SINHCAF: variants seen among roughly 807,000 people sequenced by gnomAD.
SINHCAF encodes SIN3-HDAC complex-associated factor.
SINHCAF carries 3 observed loss-of-function variants against 25.8 expected under a neutral mutation model. The ratio of observed to expected loss-of-function variants is 0.12; its 90% CI spans 0.05 to 0.30. SINHCAF has a LOEUF of 0.30. Among genes scored for constraint, SINHCAF ranks in the 10% least tolerant of loss-of-function variants. SINHCAF has a pLI of 1.00. For missense variants in SINHCAF, 121 were observed against 262.3 expected (o/e 0.46, Z 3.72); for synonymous variants, 70 against 85.5 (o/e 0.82, Z 1.00).
chr12:31,323,411 T>G (rs529096403), intron 1 of SINHCAF, among the ~76,000 whole-genome samples: 4 of 152,298 alleles, frequency 2.6e-5, no homozygotes, highest in African/African-American at 9.6e-5. Flanking sequence ...AATTCATTTT[T>G]AAATTATTAA....
intron 1 of SINHCAF, among the ~76,000 whole-genome samples, chr12:31,313,999 G>A (rs1438879622): frequency 1.3e-5 from 2 of 151,406 alleles, no homozygotes; most frequent in Admixed American, 6.6e-5. Context: ...AGAGAATTAG[G>A]AATCCCCCAC....
chr12:31,296,635 G>A (rs987365697), intron 2 of SINHCAF, among the ~76,000 whole-genome samples: 3 of 151,988 alleles, frequency 2.0e-5, no homozygotes, highest in African/African-American at 7.3e-5. Flanking sequence ...TTAGGAGGCT[G>A]AGGCAGCCGG....
intron 1 of SINHCAF, among the ~76,000 whole-genome samples, chr12:31,316,394 T>C (rs943896122): frequency 3.3e-5 from 5 of 152,224 alleles, no homozygotes; most frequent in Non-Finnish European, 7.3e-5. Context: ...GGTTTTCTTC[T>C]ACTTTAAAGC....
In SINHCAF at chr12:31,291,965, T is replaced by C. The variant is rs1017874053; in HGVS notation, c.355+1840A>G. Reference sequence around the variant, plus strand: ...ACCTGGTGAACACCCTGTTTCAGTCTGAGCCTCCACAATCTACACACCTTA... The same window carrying C: ...ACCTGGTGAACACCCTGTTTCAGTCCGAGCCTCCACAATCTACACACCTTA... On this transcript the variant is annotated intron_variant, in intron 4 of 5. Coordinates refer to ENST00000337682, the MANE Select transcript of SINHCAF (RefSeq NM_001135812.2). Among the ~76,000 whole-genome samples, 3 of 149,126 alleles carry C rather than the reference T, an allele frequency of 2.0e-5. No homozygotes were observed. The South Asian group carries it at 6.4e-4, about 32-fold the overall frequency.
At chr12:31,322,833 T>C (rs569517209) in intron 1 of SINHCAF, among the ~76,000 whole-genome samples, 10 of 152,140 alleles carry the variant, frequency 6.6e-5, no homozygotes, top group Non-Finnish European at 1.5e-4. Context: ...ACAGATATGG[T>C]GGTGGGTATC....
chr12:31,305,608 CA>C (rs533563581), intron 1 of SINHCAF, among the ~76,000 whole-genome samples: 126 of 151,890 alleles, frequency 8.3e-4, no homozygotes, highest in Non-Finnish European at 1.4e-3. Context: ...GGGACTTAGC[CA>C]ATTGTGTTAT....
intron 1 of SINHCAF, among the ~76,000 whole-genome samples, chr12:31,305,887 A>G (rs1190682304): frequency 1.3e-5 from 2 of 152,152 alleles, no homozygotes; most frequent in East Asian, 3.9e-4. Context: ...GTTAGTGGAG[A>G]CAGGATTTCA....
Position 31,295,349 on chromosome 12 carries a change from T to C in SINHCAF, c.129-16A>G. 1.3e-6 allele frequency: 2 copies of C among 1,541,078 alleles called. No homozygotes were observed. The highest frequency in any genetic ancestry group is 1.8e-6 in the Non-Finnish European group (2 of 1,118,322). ...CTCATGCAATCTGATAAGAAAACAA[T>C]CAAACCTTTATCAGTCTCCCTTACC... On this transcript the variant is annotated splice_polypyrimidine_tract_variant and intron_variant, in intron 2 of 5. Coordinates refer to ENST00000337682, the MANE Select transcript of SINHCAF (RefSeq NM_001135812.2).
At chr12:31,301,693 C>T (rs1938800862) in intron 1 of SINHCAF, among the ~76,000 whole-genome samples, 1 of 151,898 alleles carries the variant, frequency 6.6e-6, no homozygotes, top group Non-Finnish European at 1.5e-5. Context: ...GTTTGGGAAG[C>T]CCTGAGATTA....
At chr12:31,292,212 T>C (rs1488777609) in intron 4 of SINHCAF, among the ~76,000 whole-genome samples, 1 of 152,178 alleles carries the variant, frequency 6.6e-6, no homozygotes. Flanking sequence ...TTAAAACATC[T>C]AGTGAGGACT....
At chr12:31,303,277 T>C (rs1938881783) in intron 1 of SINHCAF, 1 of 935,192 alleles carries the variant, frequency 1.1e-6, no homozygotes, top group Non-Finnish European at 1.3e-6. Flanking sequence ...AGAACACAAA[T>C]GATCATACTT....
chr12:31,290,846 A>C (rs906996822), intron 4 of SINHCAF, among the ~76,000 whole-genome samples: 1 of 152,092 alleles, frequency 6.6e-6, no homozygotes, highest in Non-Finnish European at 1.5e-5. Context: ...CTGCCTCCCA[A>C]GTAGCTGGGA....
chr12:31,311,888 C>T, intron 1 of SINHCAF: 1 of 510,558 alleles, frequency 2.0e-6, no homozygotes, highest in South Asian at 1.6e-5. Flanking sequence ...AGGTGGCATC[C>T]ACCAGCTATT....
At chr12:31,291,451 C>T (rs1046953381) in intron 4 of SINHCAF, among the ~76,000 whole-genome samples, 1 of 152,174 alleles carries the variant, frequency 6.6e-6, no homozygotes. Context: ...CTTTTCAGTA[C>T]ACCACAAAAT....
At chr12:31,297,722 C>T (rs1394724468) in intron 2 of SINHCAF, among the ~76,000 whole-genome samples, 4 of 151,910 alleles carry the variant, frequency 2.6e-5, no homozygotes, top group African/African-American at 4.8e-5. Flanking sequence ...CCGCCCGCCT[C>T]GGCCTCCCAA....
intron 1 of SINHCAF, among the ~76,000 whole-genome samples, chr12:31,321,399 G>C (rs1468619564): frequency 6.6e-6 from 1 of 152,116 alleles, no homozygotes; most frequent in East Asian, 1.9e-4. Flanking sequence ...GGTAAGGGAG[G>C]GGACCAAAGA....
intron 1 of SINHCAF, among the ~76,000 whole-genome samples, chr12:31,306,605 A>T (rs896648426): frequency 1.3e-5 from 2 of 152,134 alleles, no homozygotes; most frequent in Admixed American, 6.5e-5. Context: ...CATTCCAAGG[A>T]TCGGACTGGT....
At chr12:31,297,680 C>T (rs1270536325) in intron 2 of SINHCAF, among the ~76,000 whole-genome samples, 1 of 151,708 alleles carries the variant, frequency 6.6e-6, no homozygotes, top group Non-Finnish European at 1.5e-5. Flanking sequence ...ACCATGTTGG[C>T]CAGGATGGTC....
intron 1 of SINHCAF, among the ~76,000 whole-genome samples, chr12:31,322,338 ACAACT>A (rs1565507859): frequency 1.3e-5 from 2 of 152,224 alleles, no homozygotes; most frequent in Admixed American, 6.5e-5. Context: ...ATTAAGAAAA[ACAACT>A]CAAACAATCT....
Sources: gnomAD v4.1 joint callset for allele counts (sites outside exome capture counted in the v4.1 genomes callset) on GRCh38, gnomAD v4.1.1 for gene constraint, MANE v1.5 for transcripts, NCBI Gene and HGNC (gene_info 2026-07-23, HGNC 2026-07-21) for gene names.